Variants in FOXP4 observed in about 807,000 individuals in gnomAD.
FOXP4 encodes forkhead box protein P4.
In FOXP4, 25 loss-of-function variants were observed where a neutral mutation model predicts 82.6. That is an observed-to-expected ratio of 0.30 (90% CI 0.22 to 0.42). The LOEUF (loss-of-function observed/expected upper bound fraction) is 0.42. Among genes scored for constraint, FOXP4 ranks in the 10% least tolerant of loss-of-function variants. The pLI is 1.00. For synonymous variants in FOXP4, 415 were observed against 388.2 expected (o/e 1.07, Z -0.81); for missense variants, 785 against 900.9 (o/e 0.87, Z 1.65).
chr6:41,577,019 G>A (rs1452401627), intron 2 of FOXP4, among the ~76,000 whole-genome samples: 4 of 152,098 alleles, frequency 2.6e-5, no homozygotes. Flanking sequence ...TGGCCTCATA[G>A]ATAATTTCCT....
intron 3 of FOXP4, among the ~76,000 whole-genome samples, chr6:41,580,365 C>T (rs529120223): frequency 2.0e-5 from 3 of 152,312 alleles, no homozygotes; most frequent in South Asian, 2.1e-4. Context: ...CGTGAGCCAT[C>T]GTGCCCGGCC....
chr6:41,585,304 C>A, intron 4 of FOXP4, 127 bp from the exon 5 acceptor site: 2 of 962,106 alleles, frequency 2.1e-6, no homozygotes, highest in East Asian at 2.6e-5. Context: ...TCCAGGCTGA[C>A]TGGGGAAAGC....
intron 14 of FOXP4, among the ~76,000 whole-genome samples, chr6:41,596,899 G>A (rs1433496376): frequency 6.6e-6 from 1 of 152,178 alleles, no homozygotes; most frequent in Non-Finnish European, 1.5e-5. Context: ...GGGGATGCCA[G>A]TTCCCACTTC....
intron 2 of FOXP4, among the ~76,000 whole-genome samples, chr6:41,570,967 A>G (rs1339061426): frequency 2.0e-5 from 3 of 151,942 alleles, no homozygotes; most frequent in South Asian, 2.1e-4. Context: ...CACTGCCCCC[A>G]CTCCAACCCT....
Position 41,558,256 on chromosome 6 carries a change from C to T in FOXP4, c.-16-7489C>T, listed in dbSNP as rs9462720. ...GGCACGATCAGGGAGCCAAGCAGTG[C>T]GTGACTCACATCACCCACCTCTGGC... On this transcript the variant is annotated intron_variant, in intron 1 of 16. Transcript: ENST00000307972. This position sits in a 1 kb window ranked among gnomAD's most constrained non-coding sequence, Gnocchi z 4.0. 0.012 allele frequency among the ~76,000 whole-genome samples: 1,777 copies of T among 152,292 alleles called. 32 individuals carry two copies. Among genetic ancestry groups the T allele is most frequent in the African/African-American group, 0.04 (1,648 of 41,550 alleles).
chr6:41,565,361 A>AAAAC (rs747448721), intron 1 of FOXP4, among the ~76,000 whole-genome samples: 3 of 152,082 alleles, frequency 2.0e-5, no homozygotes, highest in Non-Finnish European at 2.9e-5. Flanking sequence ...CTGTGTCTCA[A>AAAAC]AAACAAACAA....
intron 6 of FOXP4, 61 bp from the exon 7 acceptor site, chr6:41,587,238 G>T: frequency 6.2e-7 from 1 of 1,608,624 alleles, no homozygotes. Flanking sequence ...CCTGTTCTTG[G>T]GGCCAGGTAG....
At chr6:41,559,422 GGA>G (rs1490317546) in intron 1 of FOXP4, among the ~76,000 whole-genome samples, 4 of 152,192 alleles carry the variant, frequency 2.6e-5, no homozygotes, top group African/African-American at 7.2e-5. Context: ...GCCAACCACT[GGA>G]GGAGAGAGAA....
intron 3 of FOXP4, among the ~76,000 whole-genome samples, chr6:41,583,527 A>G (rs1045206586): frequency 6.6e-6 from 1 of 152,188 alleles, no homozygotes; most frequent in Non-Finnish European, 1.5e-5. Context: ...CCGGGCTGGC[A>G]GAGGGGCCTC....
intron 2 of FOXP4, among the ~76,000 whole-genome samples, chr6:41,567,008 A>G (rs1207589664): frequency 1.3e-5 from 2 of 152,176 alleles, no homozygotes; most frequent in African/African-American, 2.4e-5. Context: ...CATAACCCTT[A>G]AGGGGCCTTT....
intron 15 of FOXP4, 148 bp from the exon 16 acceptor site, chr6:41,597,633 G>T: frequency 1.0e-6 from 1 of 991,936 alleles, no homozygotes; most frequent in Non-Finnish European, 1.5e-6. Context: ...CTGAGTTGGG[G>T]CTTGGGGGTT....
At chr6:41,588,032 G>A (rs547038642) in intron 8 of FOXP4, 135 bp downstream of exon 8, 1 of 605,494 alleles carries the variant, frequency 1.7e-6, no homozygotes, top group Non-Finnish European at 3.0e-6. Flanking sequence ...GAGGGTTCTA[G>A]TTCTTTCTCT....
Position 41,578,074 on chromosome 6 carries a change from C to A in FOXP4, c.293C>A (p.Ala98Asp). The A allele has an allele frequency of 6.2e-7, 1 of 1,613,350 alleles. No individual in the cohort carries two copies. The highest frequency in any genetic ancestry group is 8.5e-7 in the Non-Finnish European group (1 of 1,179,876). ...GNNDSKQSASAVQVPVSVAMM... is the reference protein window; with the variant it reads ...GNNDSKQSASDVQVPVSVAMM... ...AATGACAGCAAACAGTCTGCCTCTG[C>A]TGTGCAGGTGAGGAAGAGAGCACCC... Residue 98 changes from alanine (A) to aspartate (D), a missense_variant, in exon 3 of 17, where the codon GCT becomes GAT. Ala to Asp is a moderately radical substitution (Grantham distance 126, BLOSUM62 -2). Transcript: ENST00000307972.
chr6:41,561,912 C>T (rs571238686), intron 1 of FOXP4, among the ~76,000 whole-genome samples: 4 of 152,322 alleles, frequency 2.6e-5, no homozygotes, highest in African/African-American at 9.6e-5. Context: ...GCTCCCCTAG[C>T]CAGGGTTCAG....
chr6:41,570,205 T>C (rs554609582), intron 2 of FOXP4: 300 of 428,518 alleles, frequency 7.0e-4, no homozygotes, highest in African/African-American at 5.9e-3. Flanking sequence ...TACTGTTTCC[T>C]GTCTGATCCC....
rs761964285 is a variant in FOXP4 at position 41,598,860 on chromosome 6, C to T, written c.1967C>T (p.Ala656Val). 1.9e-6 allele frequency: 3 copies of T among 1,594,008 alleles called. No homozygotes were observed. The highest frequency in any genetic ancestry group is 2.6e-6 in the Non-Finnish European group (3 of 1,172,016). Residue 656 changes from alanine (A) to valine (V), a missense_variant, in exon 17 of 17, where the codon GCC becomes GTC. Coordinates refer to ENST00000307972, the MANE Select transcript of FOXP4 (RefSeq NM_001012426.2). ...AGGCAGCCCGGGCCTCCCCTGGGCGCCCCTAACCCCAGCGCCTCGGGGCCT... is the reference window on the plus strand; with the variant it reads ...AGGCAGCCCGGGCCTCCCCTGGGCGTCCCTAACCCCAGCGCCTCGGGGCCT... ...EDRQPGPPLG[A>V]PNPSASGPPE...
chr6:41,577,144 A>G (rs1000699108), intron 2 of FOXP4, among the ~76,000 whole-genome samples: 31 of 151,542 alleles, frequency 2.0e-4, no homozygotes, highest in South Asian at 4.2e-4. Context: ...TCCTCCAGCA[A>G]TCTCCATATG....
At chr6:41,550,850 T>G (rs964305848) in intron 1 of FOXP4, among the ~76,000 whole-genome samples, 1 of 152,150 alleles carries the variant, frequency 6.6e-6, no homozygotes, top group African/African-American at 2.4e-5. Flanking sequence ...AAATGACTGA[T>G]AACCCCTCTC....
rs141279563 is a variant in FOXP4 at position 41,597,844 on chromosome 6, G to T, written c.1789G>T (p.Ala597Ser). The T allele has an allele frequency of 1.2e-6, 2 of 1,602,916 alleles. No individual in the cohort carries two copies. The highest frequency in any genetic ancestry group is 1.1e-5 in the South Asian group (1 of 89,980). Residue 597 changes from alanine to serine, a missense_variant, in exon 16 of 17, where the codon GCC (alanine) becomes TCC (serine). Around this residue, in one of 3 missense-constraint regions of FOXP4, gnomAD observed 184 missense variants for 187.3 expected, o/e 0.98. Coordinates refer to ENST00000307972, the MANE Select transcript of FOXP4 (RefSeq NM_001012426.2). ...CCCTGGCATGCTGAACCCTGGCTCC[G>T]CCAGCAGCCTGCTGCCCCTCAGCCA... Reference protein sequence around the residue: ...NSPGMLNPGSASSLLPLSHDD... With the variant: ...NSPGMLNPGSSSSLLPLSHDD...
Sources: allele counts gnomAD v4.1 joint callset (sites outside exome capture counted in the v4.1 genomes callset), GRCh38; gene constraint gnomAD v4.1.1; regional missense constraint gnomAD v4.1.1; non-coding constraint Gnocchi (gnomAD v3.1); transcripts MANE v1.5; gene names NCBI Gene and HGNC (gene_info 2026-07-23, HGNC 2026-07-21).